TAF4B: variants seen among roughly 807,000 people sequenced by gnomAD.
TAF4B encodes the protein transcription initiation factor TFIID subunit 4B.
In TAF4B, 38 loss-of-function variants were observed where a neutral mutation model predicts 86.4. The ratio of observed to expected loss-of-function variants is 0.44; its 90% CI spans 0.34 to 0.58. The LOEUF is 0.58. Among genes scored for constraint, TAF4B ranks in the 20% least tolerant of loss-of-function variants. TAF4B has a pLI of 0.02. For synonymous variants in TAF4B, 388 were observed against 391.2 expected (o/e 0.99, Z 0.10); for missense variants, 988 against 1,027.6 (o/e 0.96, Z 0.53).
At chr18:26,284,994 G>T (rs1383285820) in intron 6 of TAF4B, among the ~76,000 whole-genome samples, 4 of 151,526 alleles carry the variant, frequency 2.6e-5, no homozygotes, top group Non-Finnish European at 5.9e-5. Flanking sequence ...TTGAGATGAG[G>T]TTTTGCTCTG....
chr18:26,287,100 A>G (rs112420572), intron 7 of TAF4B, among the ~76,000 whole-genome samples: 184 of 152,296 alleles, frequency 1.2e-3, no homozygotes, highest in African/African-American at 4.1e-3. Context: ...TAACCACAAC[A>G]TACCTGTTGT....
intron 7 of TAF4B, 55 bp from the exon 8 acceptor site, chr18:26,292,191 T>C (rs781192647): frequency 3.8e-6 from 6 of 1,561,438 alleles, no homozygotes; most frequent in East Asian, 2.3e-5. Flanking sequence ...TGAAATCTTA[T>C]CCTTTTCTAA....
At chr18:26,228,058 G>C (rs1175662033) in intron 1 of TAF4B, among the ~76,000 whole-genome samples, 2 of 152,206 alleles carry the variant, frequency 1.3e-5, no homozygotes, top group African/African-American at 4.8e-5. Context: ...CAACGCTACT[G>C]TTAATGAGTC....
chr18:26,316,399 T>A (rs371036954), intron 10 of TAF4B, among the ~76,000 whole-genome samples: 8 of 151,990 alleles, frequency 5.3e-5, no homozygotes, highest in African/African-American at 1.9e-4. Context: ...TCTTTTTTTT[T>A]TCCTCAAGAT....
At chr18:26,347,261 T>C (rs1161334003) in intron 13 of TAF4B, among the ~76,000 whole-genome samples, 1 of 151,888 alleles carries the variant, frequency 6.6e-6, no homozygotes, top group Non-Finnish European at 1.5e-5. Flanking sequence ...CCTTCAGAAA[T>C]GAAGGAGAAA....
In TAF4B at chr18:26,293,536, GAAAATA is replaced by G; in HGVS notation, c.1832+8_1832+13del. The stretch of plus-strand genomic sequence containing the variant: ...GAATGTAACATCATGCTTCCGGTAA[GAAAATA>G]AATAGTTAAATTTGGTTTAAGGAAG... On this transcript the variant is annotated splice_donor_region_variant and intron_variant, in intron 9 of 14. Transcript: ENST00000269142. 6.5e-7 allele frequency: 1 copy of G among 1,534,238 alleles called. No homozygotes were observed. The highest frequency in any genetic ancestry group is 8.7e-7 in the Non-Finnish European group (1 of 1,144,074).
Position 26,226,877 on chromosome 18 carries a change from C to T in TAF4B, c.-57C>T, listed in dbSNP as rs1372832332. The T allele has an allele frequency of 4.6e-6, 6 of 1,298,372 alleles. No individual in the cohort carries two copies. Among genetic ancestry groups the T allele is most frequent in the Non-Finnish European group, 5.9e-6 (6 of 1,017,568 alleles). 80.4% of individuals were successfully genotyped at this position (1,298,372 alleles called of 1,614,324 possible). A position where few individuals can be genotyped will look rare whatever the true frequency, so the allele number is the denominator to read the frequency against. On this transcript the variant is annotated 5_prime_UTR_variant, in exon 1 of 15. Transcript: ENST00000269142. The stretch of plus-strand genomic sequence containing the variant: ...GAGTCGGCTGCCGCGCGCCAAGCCT[C>T]CCCTCACCTCTGCTCCCGGAACCGC...
chr18:26,238,018 A>C (rs2055775680), intron 1 of TAF4B, among the ~76,000 whole-genome samples: 1 of 152,158 alleles, frequency 6.6e-6, no homozygotes, highest in South Asian at 2.1e-4. Flanking sequence ...GTGCTCACCA[A>C]AGCAGCAGCA....
chr18:26,285,213 T>TTTTTTTTG, intron 6 of TAF4B, among the ~76,000 whole-genome samples: 1 of 108,492 alleles, frequency 9.2e-6, no homozygotes, highest in Non-Finnish European at 2.0e-5. Flanking sequence ...TCCTTTCCTT[T>TTTTTTTTG]TTTTTTTTGT....
chr18:26,359,321 G>C (rs12454114), intron 14 of TAF4B, among the ~76,000 whole-genome samples: 62,161 of 151,894 alleles, frequency 0.41, 13,396 homozygotes, highest in African/African-American at 0.51. Context: ...TAACATTTTT[G>C]CACTTATATT....
At chr18:26,295,287 TG>T in intron 9 of TAF4B, 1 of 316,304 alleles carries the variant, frequency 3.2e-6, no homozygotes, top group Non-Finnish European at 6.3e-6. Context: ...GTTCATCTGC[TG>T]GTAAATTCCT....
At chr18:26,354,374 A>G (rs2057269725) in intron 13 of TAF4B, among the ~76,000 whole-genome samples, 1 of 152,226 alleles carries the variant, frequency 6.6e-6, no homozygotes, top group Admixed American at 6.5e-5. Flanking sequence ...ACCCAGCCCC[A>G]CAACTTTTGT....
At chr18:26,263,221 T>C (rs1349021739) in intron 1 of TAF4B, among the ~76,000 whole-genome samples, 3 of 152,228 alleles carry the variant, frequency 2.0e-5, no homozygotes, top group Admixed American at 6.5e-5. Flanking sequence ...GCCAAAGTGT[T>C]GGGATTACAG....
chr18:26,320,628 AAC>A (rs1441557687), intron 10 of TAF4B, among the ~76,000 whole-genome samples: 1 of 152,230 alleles, frequency 6.6e-6, no homozygotes, highest in Non-Finnish European at 1.5e-5. Context: ...ACAAGGCATT[AAC>A]AGAGACTCAT....
rs1407241622 is a variant in TAF4B at position 26,372,658 on chromosome 18, A to G, written c.2421+14864A>G. On this transcript the variant is annotated intron_variant, in intron 14 of 14. Coordinates refer to ENST00000269142, the MANE Select transcript of TAF4B (RefSeq NM_005640.3). The stretch of plus-strand genomic sequence containing the variant: ...TATCCGTTATGTTAATACCATGCTG[A>G]TTGACCTGGTGATCAAAAAATAATA... Among the ~76,000 whole-genome samples the G allele has an allele frequency of 2.6e-5, 4 of 152,080 alleles. No individual in the cohort carries two copies. In the East Asian group the frequency reaches 7.7e-4, roughly 29 times the overall value.
At chr18:26,237,907 T>G (rs1037669150) in intron 1 of TAF4B, among the ~76,000 whole-genome samples, 32 of 152,280 alleles carry the variant, frequency 2.1e-4, no homozygotes, top group African/African-American at 7.7e-4. Context: ...AGCCTGTTGA[T>G]GCCTGAGCGT....
chr18:26,313,409 C>T (rs1486650842), intron 9 of TAF4B, among the ~76,000 whole-genome samples: 1 of 152,066 alleles, frequency 6.6e-6, no homozygotes, highest in Non-Finnish European at 1.5e-5. Context: ...TAAATCTGGA[C>T]ACATTGATTT....
chr18:26,293,380 T>A, intron 8 of TAF4B, 46 bp from the exon 9 acceptor site: 1 of 1,363,976 alleles, frequency 7.3e-7, no homozygotes, highest in Non-Finnish European at 1.0e-6. Context: ...TAATGTGGTG[T>A]GATTGCTTTT....
intron 1 of TAF4B, among the ~76,000 whole-genome samples, chr18:26,237,413 G>A (rs1395717431): frequency 1.3e-5 from 2 of 152,182 alleles, no homozygotes; most frequent in African/African-American, 4.8e-5. Flanking sequence ...CAGAGAGGTA[G>A]AAGGGACATG....
Sources: allele counts gnomAD v4.1 joint callset (sites outside exome capture counted in the v4.1 genomes callset), GRCh38; gene constraint gnomAD v4.1.1; transcripts MANE v1.5; gene names NCBI Gene and HGNC (gene_info 2026-07-23, HGNC 2026-07-21).